MTHFD1L: variants seen among roughly 807,000 people sequenced by gnomAD.
MTHFD1L encodes the protein monofunctional C1-tetrahydrofolate synthase, mitochondrial.
MTHFD1L carries 81 observed loss-of-function variants against 119.5 expected under a neutral mutation model. The observed-to-expected ratio is 0.68, with a 90% confidence interval of 0.57 to 0.82. The LOEUF (loss-of-function observed/expected upper bound fraction) is 0.82. Ranked by LOEUF, MTHFD1L falls within the 40% of genes least tolerant of loss-of-function variation. The pLI is 0.00. For missense variants in MTHFD1L, 1,125 were observed against 1,253.4 expected, an observed-to-expected ratio of 0.90 and a Z score of 1.55; for synonymous variants, 430 against 475.2, an observed-to-expected ratio of 0.90 and a Z score of 1.24.
chr6:150,918,461 T>A (rs1788369133), intron 8 of MTHFD1L, 116 bp from the exon 9 acceptor site: 3 of 783,092 alleles, frequency 3.8e-6, no homozygotes, highest in Non-Finnish European at 6.6e-6. Flanking sequence ...CCCGACATCC[T>A]AACTTCCTTG....
At position 150,993,193 on chromosome 6, in the gene MTHFD1L, A is replaced by G. The variant is rs548844074; in HGVS notation, c.2126-16626A>G. Among the ~76,000 whole-genome samples the G allele has an allele frequency of 4.6e-5, 7 of 152,324 alleles. No individual in the cohort carries two copies. In the South Asian group the frequency reaches 1.2e-3, roughly 27 times the overall value. ...TTCAGGGACAGGCAACAATTTCATGATATAACTTCTAAAAATATTTTAAAC... is the reference window on the plus strand; with the variant it reads ...TTCAGGGACAGGCAACAATTTCATGGTATAACTTCTAAAAATATTTTAAAC... On this transcript the variant is annotated intron_variant, in intron 20 of 27. Transcript: ENST00000367321.
intron 6 of MTHFD1L, among the ~76,000 whole-genome samples, chr6:150,887,143 T>C (rs1782460479): frequency 6.6e-6 from 1 of 152,176 alleles, no homozygotes; most frequent in Admixed American, 6.5e-5. Context: ...AAAGTTTTAT[T>C]AAAAGGTTAA....
At chr6:151,090,240 G>C (rs187387087) in intron 26 of MTHFD1L, among the ~76,000 whole-genome samples, 4 of 152,146 alleles carry the variant, frequency 2.6e-5, no homozygotes, top group Non-Finnish European at 5.9e-5. Context: ...GGGTTAAACC[G>C]GCTTTTCCCT....
intron 7 of MTHFD1L, among the ~76,000 whole-genome samples, chr6:150,888,908 C>T (rs924907316): frequency 3.3e-5 from 5 of 152,234 alleles, no homozygotes; most frequent in Admixed American, 1.3e-4. Context: ...GGCGTGGTGG[C>T]TCATGCCTGT....
At chr6:151,083,338 C>T (rs902998165) in intron 26 of MTHFD1L, among the ~76,000 whole-genome samples, 6 of 152,164 alleles carry the variant, frequency 3.9e-5, no homozygotes, top group African/African-American at 1.4e-4. Flanking sequence ...GCTGAGATTA[C>T]AGGCACCTGC....
chr6:150,966,139 G>C (rs894921771), intron 19 of MTHFD1L, among the ~76,000 whole-genome samples: 5 of 152,194 alleles, frequency 3.3e-5, no homozygotes, highest in African/African-American at 1.2e-4. Context: ...ACCTGTATTA[G>C]TTTGTTCTCG....
At chr6:151,018,533 C>T (rs9383553) in intron 24 of MTHFD1L, among the ~76,000 whole-genome samples, 44,053 of 151,980 alleles carry the variant, frequency 0.29, 6,827 homozygotes, top group East Asian at 0.57. Context: ...AACTAAAGCA[C>T]GAAGAGACTA....
chr6:150,977,674 A>G (rs946566777), intron 20 of MTHFD1L, among the ~76,000 whole-genome samples: 1 of 152,220 alleles, frequency 6.6e-6, no homozygotes, highest in Admixed American at 6.5e-5. Flanking sequence ...CCATTAACTT[A>G]GGATTTTTTA....
At chr6:151,021,705 G>A (rs1783968174) in intron 24 of MTHFD1L, among the ~76,000 whole-genome samples, 1 of 152,140 alleles carries the variant, frequency 6.6e-6, no homozygotes, top group African/African-American at 2.4e-5. Context: ...ATTTTGCTCT[G>A]GGTTAAAACC....
At chr6:150,911,520 G>A (rs939678820) in intron 8 of MTHFD1L, among the ~76,000 whole-genome samples, 1 of 152,152 alleles carries the variant, frequency 6.6e-6, no homozygotes, top group African/African-American at 2.4e-5. Flanking sequence ...TCCACGGACT[G>A]TACAGGTAGT....
At position 150,866,437 on chromosome 6, in the gene MTHFD1L, C is replaced by CA. The variant is rs1778332909; in HGVS notation, c.227+389dup. ...GGAAACCAGGGGAGGGGGCGAGGAG[C>CA]AGGAGGAGGGCGGGGCTGCGGCTCG... is the stretch of plus-strand genomic sequence containing the variant. On this transcript the variant is annotated intron_variant, in intron 1 of 27. Transcript: ENST00000367321. The CA allele has an allele frequency of 2.2e-6, 3 of 1,338,734 alleles. No homozygotes were observed. In the South Asian group the frequency reaches 5.6e-5, roughly 25 times the overall value. 82.9% of individuals were successfully genotyped at this position (1,338,734 alleles called of 1,614,324 possible). A position where few individuals can be genotyped will look rare whatever the true frequency, so the allele number is the denominator to read the frequency against.
chr6:150,947,155 T>C (rs369184569), intron 15 of MTHFD1L, among the ~76,000 whole-genome samples: 5 of 146,330 alleles, frequency 3.4e-5, no homozygotes, highest in African/African-American at 1.2e-4. Flanking sequence ...TGGAGTGCAA[T>C]GGCACGATCT....
chr6:150,866,498 C>T, intron 1 of MTHFD1L: 1 of 1,310,910 alleles, frequency 7.6e-7, no homozygotes. Context: ...GAAGGGCAAG[C>T]GGAGCTCGGG....
Position 151,066,478 on chromosome 6 carries a change from T to TC in MTHFD1L, c.2848-25987dup, listed in dbSNP as rs1791283130. Among the ~76,000 whole-genome samples, 4 of 126,724 alleles carry TC rather than the reference T, an allele frequency of 3.2e-5. No individual in the cohort carries two copies. The South Asian group carries it at 1.0e-3, about 32-fold the overall frequency. 83.1% of individuals were successfully genotyped at this position (126,724 alleles called of 152,430 possible). Reference sequence around the variant, plus strand: ...AAAAAAAAGAACCATGGCAAAAGTGTCCTTTAGCCGGGTGCGGTGGCTCAC... The same window carrying TC: ...AAAAAAAAGAACCATGGCAAAAGTGTCCCTTTAGCCGGGTGCGGTGGCTCAC... On this transcript the variant is annotated intron_variant, in intron 26 of 27. Coordinates refer to ENST00000367321, the MANE Select transcript of MTHFD1L (RefSeq NM_015440.5).
chr6:151,069,280 TCCCTCC>T (rs374270668), intron 26 of MTHFD1L, among the ~76,000 whole-genome samples: 1 of 147,952 alleles, frequency 6.8e-6, no homozygotes, highest in Non-Finnish European at 1.5e-5. Flanking sequence ...TCTCTCTCTC[TCCCTCC>T]CTCTCTCTGT....
chr6:150,898,240 A>G (rs1385847565), intron 7 of MTHFD1L, among the ~76,000 whole-genome samples: 1 of 152,150 alleles, frequency 6.6e-6, no homozygotes, highest in Non-Finnish European at 1.5e-5. Context: ...GGCTTTTCAT[A>G]TATGCCTCGC....
At chr6:151,019,415 C>T (rs895651277) in intron 24 of MTHFD1L, among the ~76,000 whole-genome samples, 1 of 151,996 alleles carries the variant, frequency 6.6e-6, no homozygotes, top group Non-Finnish European at 1.5e-5. Context: ...CTAACCCTAA[C>T]ATGAACCCTT....
chr6:150,891,027 C>T (rs528544202), intron 7 of MTHFD1L, among the ~76,000 whole-genome samples: 1 of 152,314 alleles, frequency 6.6e-6, no homozygotes, highest in Admixed American at 6.5e-5. Context: ...CCTCTATCCC[C>T]CAGGCTGCAG....
chr6:150,882,769 A>C lies in MTHFD1L; in HGVS notation c.425A>C (p.Asp142Ala). The change falls in exon 5 of 28, where the codon GAT (aspartate) becomes GCT (alanine). Residue 142 changes from aspartate to alanine, a missense_variant. Physicochemically the swap from Asp to Ala is moderately radical, Grantham distance 126 (BLOSUM62 -2). Coordinates refer to ENST00000367321, the MANE Select transcript of MTHFD1L (RefSeq NM_015440.5). ...TTTTTGTTTTCTCTTTAGATTATAG[A>C]TGAAATCTTAAAGATCAATGAAGAT... The part of the protein sequence containing the change: ...PPDSSEAEII[D>A]EILKINEDTR... The C allele has an allele frequency of 6.7e-7, 1 of 1,501,962 alleles. No individual in the cohort carries two copies. Among genetic ancestry groups the C allele is most frequent in the Non-Finnish European group, 8.8e-7 (1 of 1,131,392 alleles). The allele number at this position is 1,501,962 out of a possible 1,614,324, so 93.0% of individuals were successfully genotyped here.
Sources: allele counts gnomAD v4.1 joint callset (sites outside exome capture counted in the v4.1 genomes callset), GRCh38; gene constraint gnomAD v4.1.1; transcripts MANE v1.5; gene names NCBI Gene and HGNC (gene_info 2026-07-23, HGNC 2026-07-21).